OSTN: variants seen among roughly 807,000 people sequenced by gnomAD.
OSTN encodes osteocrin.
Under a neutral mutation model 12.0 loss-of-function variants are expected in OSTN, and 9 were observed. The observed-to-expected ratio is 0.75, with a 90% CI of 0.45 to 1.30. The LOEUF (loss-of-function observed/expected upper bound fraction) is 1.30. Among genes scored for constraint, OSTN ranks in the 50% most tolerant of loss-of-function variants. The probability of loss-of-function intolerance (pLI) is 0.00; values close to 1 mark genes in which losing one functional copy is unlikely to be tolerated. For synonymous variants in OSTN, 59 were observed against 56.9 expected, an observed-to-expected ratio of 1.04 and a Z score of -0.16; for missense variants, 148 against 152.3, an observed-to-expected ratio of 0.97 and a Z score of 0.15.
intron 3 of OSTN, among the ~76,000 whole-genome samples, chr3:191,243,930 A>G (rs951014869): frequency 6.6e-6 from 1 of 152,150 alleles, no homozygotes; most frequent in African/African-American, 2.4e-5. Context: ...TAAGATTATG[A>G]AGGAAATCAA....
intron 4 of OSTN, among the ~76,000 whole-genome samples, chr3:191,255,281 G>A (rs1355006218): frequency 6.6e-6 from 1 of 152,236 alleles, no homozygotes; most frequent in Non-Finnish European, 1.5e-5. Flanking sequence ...ACCTCCTGCT[G>A]TGTGGCTCAG....
chr3:191,249,999 C>A, intron 3 of OSTN, 38 bp from the exon 4 acceptor site: 1 of 1,430,530 alleles, frequency 7.0e-7, no homozygotes, highest in Non-Finnish European at 9.9e-7. Flanking sequence ...CAATAACTTG[C>A]CCTTTAGTTT....
At chr3:191,240,215 T>C (rs1197678482) in intron 3 of OSTN, among the ~76,000 whole-genome samples, 1 of 152,244 alleles carries the variant, frequency 6.6e-6, no homozygotes, top group Non-Finnish European at 1.5e-5. Context: ...CTTTGATTAT[T>C]TTCCTTCTCA....
chr3:191,242,041 CAAA>C, intron 3 of OSTN, among the ~76,000 whole-genome samples: 1 of 151,908 alleles, frequency 6.6e-6, no homozygotes, highest in Non-Finnish European at 1.5e-5. Flanking sequence ...TTGTTTATCA[CAAA>C]AATACAATAT....
chr3:191,225,863 CTGAG>C (rs1714896480), intron 3 of OSTN, among the ~76,000 whole-genome samples: 1 of 152,094 alleles, frequency 6.6e-6, no homozygotes, highest in African/African-American at 2.4e-5. Context: ...AAACTACCTA[CTGAG>C]TATTATGTTC....
intron 3 of OSTN, among the ~76,000 whole-genome samples, chr3:191,219,400 G>A (rs999021714): frequency 2.0e-5 from 3 of 152,218 alleles, no homozygotes; most frequent in East Asian, 1.9e-4. Context: ...TTCTCAGAAC[G>A]TGGAGTCAGA....
chr3:191,254,181 TA>T (rs1236550825), intron 4 of OSTN, among the ~76,000 whole-genome samples: 1 of 152,170 alleles, frequency 6.6e-6, no homozygotes, highest in Non-Finnish European at 1.5e-5. Flanking sequence ...AGATCTTTAA[TA>T]AGAAGTATTT....
chr3:191,213,099 G>C (rs1211448066), intron 2 of OSTN, among the ~76,000 whole-genome samples: 2 of 151,824 alleles, frequency 1.3e-5, no homozygotes, highest in Non-Finnish European at 2.9e-5. Context: ...TTGAACTCCT[G>C]ACCTCGAGAT....
At position 191,261,626 on chromosome 3, in the gene OSTN, G is replaced by A. The variant is rs548761591; in HGVS notation, c.*13-1240G>A. ...GCTTTATGGAGCCACTTCAAAATAT[G>A]TCAAGGAAGTATATTTTGGGTAAAA... On this transcript the variant is annotated intron_variant, in intron 4 of 4. Coordinates refer to ENST00000682035, the MANE Select transcript of OSTN (RefSeq NM_198184.2). Among the ~76,000 whole-genome samples, 55 of 152,312 alleles carry A rather than the reference G, an allele frequency of 3.6e-4. 1 individual carries two copies. In the South Asian group the frequency reaches 0.011, roughly 30 times the overall value.
chr3:191,221,224 C>T (rs1265476298), intron 3 of OSTN, among the ~76,000 whole-genome samples: 3 of 152,144 alleles, frequency 2.0e-5, no homozygotes, highest in Non-Finnish European at 4.4e-5. Context: ...TCAATTAAAC[C>T]GCTTTCCTTT....
intron 3 of OSTN, among the ~76,000 whole-genome samples, chr3:191,235,774 G>T (rs1325831084): frequency 6.6e-6 from 1 of 152,078 alleles, no homozygotes; most frequent in Non-Finnish European, 1.5e-5. Flanking sequence ...GACCCAGGCT[G>T]ACTCTCTCCA....
At chr3:191,245,492 C>T (rs1012780838) in intron 3 of OSTN, among the ~76,000 whole-genome samples, 2 of 152,076 alleles carry the variant, frequency 1.3e-5, no homozygotes, top group African/African-American at 4.8e-5. Flanking sequence ...AAGTAGAACA[C>T]AAATCCTCCA....
At chr3:191,244,136 G>A (rs961390183) in intron 3 of OSTN, among the ~76,000 whole-genome samples, 1 of 152,224 alleles carries the variant, frequency 6.6e-6, no homozygotes. Flanking sequence ...GGTTCTGTAT[G>A]TGTGAAGTGA....
intron 4 of OSTN, among the ~76,000 whole-genome samples, chr3:191,253,007 A>C (rs1056950530): frequency 2.0e-5 from 3 of 152,194 alleles, no homozygotes; most frequent in Non-Finnish European, 4.4e-5. Flanking sequence ...ATTGTCCCAA[A>C]TTTTATAGAC....
At chr3:191,262,385 T>A (rs1715831921) in intron 4 of OSTN, among the ~76,000 whole-genome samples, 1 of 152,226 alleles carries the variant, frequency 6.6e-6, no homozygotes, top group South Asian at 2.1e-4. Context: ...TAAATTAATA[T>A]AACTCAAATA....
intron 3 of OSTN, among the ~76,000 whole-genome samples, chr3:191,245,409 G>A (rs1185999017): frequency 6.6e-6 from 1 of 152,162 alleles, no homozygotes; most frequent in Non-Finnish European, 1.5e-5. Context: ...ATTATTATCT[G>A]AATTTTATCA....
At chr3:191,241,656 G>A (rs1715325045) in intron 3 of OSTN, among the ~76,000 whole-genome samples, 1 of 151,990 alleles carries the variant, frequency 6.6e-6, no homozygotes, top group Admixed American at 6.5e-5. Context: ...TCCAACAAAT[G>A]GAAGGAAAAA....
At position 191,250,056 on chromosome 3, in the gene OSTN, A is replaced by G. The variant is rs1300610584; in HGVS notation, c.337A>G (p.Lys113Glu). ...TTTCAGGAAAGTAGTAGATCATCCA[A>G]AAAGGCGATTTGGTATCCCCATGGA... is the stretch of plus-strand genomic sequence containing the variant. ...GKQRKVVDHP[K>E]RRFGIPMDRI... is the part of the protein sequence containing the mutation. The change falls in exon 4 of 5, where the codon AAA becomes GAA. Residue 113 changes from lysine to glutamate, a missense_variant. Physicochemically the swap from Lys to Glu is moderately conservative, Grantham distance 56. Transcript: ENST00000682035. The G allele has an allele frequency of 6.2e-7, 1 of 1,613,768 alleles. No homozygotes were observed. Among genetic ancestry groups the G allele is most frequent in the East Asian group, 2.2e-5 (1 of 44,862 alleles).
intron 1 of OSTN, among the ~76,000 whole-genome samples, chr3:191,206,029 A>G (rs764141614): frequency 6.6e-6 from 1 of 152,116 alleles, no homozygotes; most frequent in Non-Finnish European, 1.5e-5. Flanking sequence ...TAGTAAAAAT[A>G]CAAAACTTAG....
Sources: allele counts gnomAD v4.1 joint callset (sites outside exome capture counted in the v4.1 genomes callset), GRCh38; gene constraint gnomAD v4.1.1; transcripts MANE v1.5; gene names NCBI Gene and HGNC (gene_info 2026-07-23, HGNC 2026-07-21).